Variants in HS3ST5 observed in about 807,000 individuals in gnomAD.
HS3ST5 encodes heparan sulfate glucosamine 3-O-sulfotransferase 5.
Under a neutral mutation model 25.4 loss-of-function variants are expected in HS3ST5, and 10 were observed. The observed-to-expected ratio is 0.39, with a 90% CI of 0.24 to 0.67. The LOEUF is 0.67. Ranked by LOEUF, HS3ST5 falls within the 30% of genes least tolerant of loss-of-function variation. The pLI, the probability that HS3ST5 is intolerant of heterozygous loss-of-function variation, is 0.44. For synonymous variants in HS3ST5, 170 were observed against 162.4 expected (o/e 1.05, Z -0.36); for missense variants, 324 against 420.7 (o/e 0.77, Z 2.01).
chr6:114,303,037 T>G (rs947049326), intron 1 of HS3ST5, among the ~76,000 whole-genome samples: 7 of 152,172 alleles, frequency 4.6e-5, no homozygotes, highest in African/African-American at 1.7e-4. Flanking sequence ...AATACTGCTT[T>G]TCTAAATACA....
At chr6:114,101,398 T>C (rs1259053423) in intron 3 of HS3ST5, among the ~76,000 whole-genome samples, 2 of 152,210 alleles carry the variant, frequency 1.3e-5, no homozygotes, top group African/African-American at 4.8e-5. Flanking sequence ...TCCTGGGATG[T>C]TATTCTCCTC....
intron 2 of HS3ST5, among the ~76,000 whole-genome samples, chr6:114,171,882 T>C (rs1216498642): frequency 6.6e-6 from 1 of 152,198 alleles, no homozygotes; most frequent in African/African-American, 2.4e-5. Flanking sequence ...AGGTAACACA[T>C]TTGGCTTGAC....
At chr6:114,204,152 G>T (rs1346642573) in intron 2 of HS3ST5, among the ~76,000 whole-genome samples, 1 of 152,166 alleles carries the variant, frequency 6.6e-6, no homozygotes, top group East Asian at 1.9e-4. Flanking sequence ...GCTTTGTTCA[G>T]GTGTGGTTAC....
intron 1 of HS3ST5, among the ~76,000 whole-genome samples, chr6:114,322,046 C>T (rs577265659): frequency 5.9e-5 from 9 of 152,072 alleles, no homozygotes; most frequent in Non-Finnish European, 1.0e-4. Flanking sequence ...TTACACAGTT[C>T]TTGATAGCAT....
chr6:114,103,245 G>A (rs1775817203), intron 3 of HS3ST5, among the ~76,000 whole-genome samples: 1 of 152,072 alleles, frequency 6.6e-6, no homozygotes, highest in Non-Finnish European at 1.5e-5. Flanking sequence ...GGAGGCTGAG[G>A]CAGGAAGATC....
intron 1 of HS3ST5, among the ~76,000 whole-genome samples, chr6:114,300,178 T>C (rs778649934): frequency 5.3e-5 from 8 of 151,906 alleles, no homozygotes; most frequent in Non-Finnish European, 2.9e-5. Context: ...ATTAAAACTA[T>C]TGTGCTATAG....
chr6:114,164,519 A>G (rs1368627792), intron 3 of HS3ST5, among the ~76,000 whole-genome samples: 1 of 152,214 alleles, frequency 6.6e-6, no homozygotes, highest in African/African-American at 2.4e-5. Flanking sequence ...TCTCAGCAGT[A>G]TATCTTGGAA....
At chr6:114,131,246 T>C (rs1316464224) in intron 3 of HS3ST5, 1 of 151,612 alleles carries the variant, frequency 6.6e-6, no homozygotes, top group African/African-American at 2.4e-5. Flanking sequence ...CTACAGATTA[T>C]CAAAAGGAAA....
chr6:114,067,611 T>C (rs1431493330), intron 3 of HS3ST5, among the ~76,000 whole-genome samples: 1 of 152,180 alleles, frequency 6.6e-6, no homozygotes, highest in Non-Finnish European at 1.5e-5. Context: ...CTGAGATGCC[T>C]TAAATGTGCC....
intron 1 of HS3ST5, among the ~76,000 whole-genome samples, chr6:114,300,769 T>A (rs1775039949): frequency 6.6e-6 from 1 of 152,168 alleles, no homozygotes; most frequent in Non-Finnish European, 1.5e-5. Context: ...TACAAACTGA[T>A]GAATGAATAA....
intron 2 of HS3ST5, among the ~76,000 whole-genome samples, chr6:114,203,940 A>G (rs1164228441): frequency 6.6e-6 from 1 of 152,192 alleles, no homozygotes; most frequent in Non-Finnish European, 1.5e-5. Flanking sequence ...CAATTAAAGA[A>G]AAGGCATACA....
chr6:114,180,886 T>C (rs1779941911), intron 2 of HS3ST5, among the ~76,000 whole-genome samples: 1 of 152,212 alleles, frequency 6.6e-6, no homozygotes, highest in African/African-American at 2.4e-5. Flanking sequence ...AGAGCTAACC[T>C]ATCAAGGACA....
intron 1 of HS3ST5, among the ~76,000 whole-genome samples, chr6:114,317,280 A>G (rs944665650): frequency 6.6e-6 from 1 of 152,182 alleles, no homozygotes. Flanking sequence ...GGAAATACCC[A>G]TAGGATTTCT....
intron 1 of HS3ST5, among the ~76,000 whole-genome samples, chr6:114,287,474 T>A (rs1774387488): frequency 6.6e-6 from 1 of 152,042 alleles, no homozygotes. Context: ...GAAGTCTTTT[T>A]CTGTGTGTAA....
At chr6:114,127,041 T>C (rs559132060) in intron 3 of HS3ST5, among the ~76,000 whole-genome samples, 2 of 152,122 alleles carry the variant, frequency 1.3e-5, no homozygotes, top group African/African-American at 2.4e-5. Context: ...GAGGGTTATA[T>C]GACACAAAGC....
intron 3 of HS3ST5, among the ~76,000 whole-genome samples, chr6:114,165,834 A>G (rs1779182845): frequency 6.6e-6 from 1 of 152,116 alleles, no homozygotes; most frequent in African/African-American, 2.4e-5. Flanking sequence ...AATGGGGACA[A>G]CAATGCCTAC....
intron 3 of HS3ST5, among the ~76,000 whole-genome samples, chr6:114,070,421 A>G (rs138621187): frequency 2.4e-3 from 358 of 152,332 alleles, no homozygotes; most frequent in Non-Finnish European, 3.2e-3. Context: ...TCATGTTTCC[A>G]TAATTTACCA....
chr6:114,203,782 C>CG (rs989629655), intron 2 of HS3ST5, among the ~76,000 whole-genome samples: 2 of 152,120 alleles, frequency 1.3e-5, no homozygotes, highest in African/African-American at 2.4e-5. Context: ...TCCTAGGCTC[C>CG]GAGCTTTTGG....
At chr6:114,189,443 A>G (rs1488355972) in intron 2 of HS3ST5, among the ~76,000 whole-genome samples, 1 of 151,540 alleles carries the variant, frequency 6.6e-6, no homozygotes, top group Non-Finnish European at 1.5e-5. Flanking sequence ...TCCTTTGATG[A>G]TTTTTCTCCT....
Sources: gnomAD v4.1 joint callset for allele counts (sites outside exome capture counted in the v4.1 genomes callset) on GRCh38, gnomAD v4.1.1 for gene constraint, MANE v1.5 for transcripts, NCBI Gene and HGNC (gene_info 2026-07-23, HGNC 2026-07-21) for gene names.